The following SLC12A1 variants were observed in gnomAD, a reference collection of about 807,000 sequenced individuals.
SLC12A1 encodes the protein solute carrier family 12 member 1.
SLC12A1 carries 89 observed loss-of-function variants against 130.4 expected under a neutral mutation model. The observed-to-expected ratio is 0.68, with a 90% CI of 0.58 to 0.81. SLC12A1 has a LOEUF of 0.81. SLC12A1 is among the 40% of genes least tolerant of loss of function. The probability of loss-of-function intolerance (pLI) is 0.00; values close to 1 mark genes in which losing one functional copy is unlikely to be tolerated. For synonymous variants in SLC12A1, 499 were observed against 460.0 expected, an observed-to-expected ratio of 1.08 and a Z score of -1.09; for missense variants, 1,310 against 1,336.4, an observed-to-expected ratio of 0.98 and a Z score of 0.31.
chr15:48,227,214 C>T (rs905576802), intron 5 of SLC12A1: 12 of 1,242,866 alleles, frequency 9.7e-6, no homozygotes, highest in Middle Eastern at 3.7e-4. Context: ...GGCTTGGTTA[C>T]TAGTAATGTC....
At chr15:48,297,668 G>A (rs2042191691) in intron 24 of SLC12A1, among the ~76,000 whole-genome samples, 1 of 152,228 alleles carries the variant, frequency 6.6e-6, no homozygotes, top group African/African-American at 2.4e-5. Context: ...TGGCTGCTGA[G>A]TAAAGTGAAT....
chr15:48,241,965 T>G (rs1017781394), intron 10 of SLC12A1, among the ~76,000 whole-genome samples: 6 of 152,070 alleles, frequency 3.9e-5, no homozygotes, highest in Admixed American at 1.3e-4. Context: ...AGAAAAGAAG[T>G]GAAAAACAAA....
In SLC12A1 at chr15:48,301,326, A is replaced by G. The variant is rs1446201593; in HGVS notation, c.3108A>G (p.Gln1036=). ...LEAVKEKSYR[Q]VRLNELLQEH... is the part of the protein sequence containing the mutation. ...AATGTTGCCCACAGAGTTACCGCCA[A>G]GTTCGACTGAATGAACTCTTACAGG... Residue 1036 remains glutamine (Q), a synonymous_variant, in exon 26 of 27, where the codon CAA becomes CAG. Transcript: ENST00000380993. 3.7e-6 allele frequency: 6 copies of G among 1,601,038 alleles called. No homozygotes were observed. Among genetic ancestry groups the G allele is most frequent in the Non-Finnish European group, 5.1e-6 (6 of 1,173,258 alleles).
At chr15:48,240,049 CCA>C (rs1567316888) in intron 9 of SLC12A1, among the ~76,000 whole-genome samples, 9 of 3,984 alleles carry the variant, frequency 2.3e-3, no homozygotes, top group African/African-American at 3.3e-3. Flanking sequence ...ATATATATAT[CCA>C]TATATATATA....
In SLC12A1 at chr15:48,302,831, A is replaced by G; in HGVS notation, c.3246A>G (p.Pro1082=). ...TGGAAATCCTCACAAAGAACCTCCCACCTGTCTTACTAGTTAGAGGAAATC... is the reference window on the plus strand; with the variant it reads ...TGGAAATCCTCACAAAGAACCTCCCGCCTGTCTTACTAGTTAGAGGAAATC... ...AWLEILTKNL[P]PVLLVRGNHK... is the part of the protein sequence containing the mutation. The change falls in exon 27 of 27, where the codon CCA becomes CCG. Residue 1082 remains proline (P), a synonymous_variant. Coordinates refer to ENST00000380993, the MANE Select transcript of SLC12A1 (RefSeq NM_000338.3). 1 of 1,612,970 alleles carries G rather than the reference A, an allele frequency of 6.2e-7. No homozygotes were observed. Among genetic ancestry groups the G allele is most frequent in the Non-Finnish European group, 8.5e-7 (1 of 1,179,100 alleles).
At chr15:48,302,027 A>G (rs1026541898) in intron 26 of SLC12A1, among the ~76,000 whole-genome samples, 6 of 152,172 alleles carry the variant, frequency 3.9e-5, no homozygotes, top group Admixed American at 3.9e-4. Flanking sequence ...CTATCCATCA[A>G]AGACATTGTA....
At chr15:48,287,465 C>A (rs2042071747) in intron 21 of SLC12A1, among the ~76,000 whole-genome samples, 2 of 152,026 alleles carry the variant, frequency 1.3e-5, no homozygotes, top group South Asian at 4.2e-4. Flanking sequence ...GTAAGCCAGG[C>A]CAACTAAGAG....
At chr15:48,271,057 C>G (rs1263894657) in intron 19 of SLC12A1, among the ~76,000 whole-genome samples, 1 of 151,180 alleles carries the variant, frequency 6.6e-6, no homozygotes, top group Non-Finnish European at 1.5e-5. Flanking sequence ...AACCCCGTCT[C>G]TACTAAAAAT....
intron 9 of SLC12A1, chr15:48,236,961 C>T: frequency 1.4e-6 from 1 of 693,518 alleles, no homozygotes; most frequent in Non-Finnish European, 2.6e-6. Flanking sequence ...CTTAGCTGGC[C>T]CTCACTGAGT....
chr15:48,259,340 CT>C, intron 17 of SLC12A1, 29 bp downstream of exon 17: 7 of 1,358,714 alleles, frequency 5.2e-6, no homozygotes, highest in Non-Finnish European at 7.4e-6. Context: ...CAGGGAAGTC[CT>C]TTTTCCTCCC....
At chr15:48,264,853 T>A (rs2041815531) in intron 17 of SLC12A1, among the ~76,000 whole-genome samples, 1 of 152,182 alleles carries the variant, frequency 6.6e-6, no homozygotes, top group African/African-American at 2.4e-5. Flanking sequence ...TAAAGTAACA[T>A]CACATCAACT....
At chr15:48,296,363 C>T (rs1346843358) in intron 24 of SLC12A1, among the ~76,000 whole-genome samples, 2 of 152,020 alleles carry the variant, frequency 1.3e-5, no homozygotes, top group African/African-American at 4.8e-5. Flanking sequence ...AAAGGGAGTA[C>T]AAAAGCAAAG....
chr15:48,212,761 A>G (rs1567302055), intron 2 of SLC12A1, among the ~76,000 whole-genome samples: 1 of 152,248 alleles, frequency 6.6e-6, no homozygotes, highest in African/African-American at 2.4e-5. Flanking sequence ...AAAGTATAAA[A>G]TACTATAAAA....
intron 15 of SLC12A1, among the ~76,000 whole-genome samples, chr15:48,254,590 C>T (rs35103774): frequency 2.3e-5 from 1 of 43,032 alleles, no homozygotes; most frequent in African/African-American, 6.5e-5. Flanking sequence ...TACTTAAATT[C>T]GTAAAAAAAA....
intron 13 of SLC12A1, among the ~76,000 whole-genome samples, chr15:48,248,739 T>G (rs8030205): frequency 0.37 from 56,557 of 152,192 alleles, 14,909 homozygotes; most frequent in African/African-American, 0.74. Flanking sequence ...AGATATTTAC[T>G]CCTGAGGCAA....
At position 48,255,698 on chromosome 15, in the gene SLC12A1, T is replaced by A. The variant is rs923371187; in HGVS notation, c.1943-113T>A. 4.3e-6 allele frequency: 3 copies of A among 695,416 alleles called. No homozygotes were observed. In the African/African-American group the frequency reaches 5.4e-5, roughly 13 times the overall value. The allele number at this position is 695,416 out of a possible 1,614,324, so 43.1% of individuals were successfully genotyped here. On this transcript the variant is annotated intron_variant, in intron 15 of 26. Transcript: ENST00000380993. ...ATATTTTCTCTAATTTGGGCACTCA[T>A]CTTTGCTGGCATAGCCAAGGAAAAT...
intron 9 of SLC12A1, 98 bp downstream of exon 9, chr15:48,235,102 C>T: frequency 1.6e-6 from 2 of 1,216,406 alleles, no homozygotes; most frequent in South Asian, 1.2e-5. Context: ...TATTACCCTA[C>T]AGATTCAAAC....
intron 18 of SLC12A1, among the ~76,000 whole-genome samples, chr15:48,268,024 A>T (rs1415402907): frequency 6.6e-6 from 1 of 152,180 alleles, no homozygotes; most frequent in Admixed American, 6.5e-5. Context: ...TTGAAACTTC[A>T]AACTATTTTT....
At chr15:48,267,154 A>G (rs991427130) in intron 17 of SLC12A1, among the ~76,000 whole-genome samples, 3 of 152,156 alleles carry the variant, frequency 2.0e-5, no homozygotes, top group Non-Finnish European at 4.4e-5. Context: ...AGCTCTGTCC[A>G]TTTCTTGAAA....
Sources: gnomAD v4.1 joint callset for allele counts (sites outside exome capture counted in the v4.1 genomes callset) on GRCh38, gnomAD v4.1.1 for gene constraint, MANE v1.5 for transcripts, NCBI Gene and HGNC (gene_info 2026-07-23, HGNC 2026-07-21) for gene names.